The following SDCCAG8 variants were observed in gnomAD, a reference collection of about 807,000 sequenced individuals.
SDCCAG8 encodes SHH signaling and ciliogenesis regulator SDCCAG8.
A neutral mutation model predicts 101.8 loss-of-function variants in SDCCAG8; 74 were observed. That is an observed-to-expected ratio of 0.73 (90% CI 0.60 to 0.88). The LOEUF (loss-of-function observed/expected upper bound fraction) is 0.88. SDCCAG8 is among the 40% of genes least tolerant of loss of function. The probability of loss-of-function intolerance (pLI) is 0.00; values close to 1 mark genes in which losing one functional copy is unlikely to be tolerated. For missense variants in SDCCAG8, 787 were observed against 822.6 expected (o/e 0.96, Z 0.53); for synonymous variants, 281 against 292.9 (o/e 0.96, Z 0.41).
chr1:243,303,791 G>C (rs928708773), intron 6 of SDCCAG8, among the ~76,000 whole-genome samples: 1 of 152,032 alleles, frequency 6.6e-6, no homozygotes, highest in African/African-American at 2.4e-5. Context: ...TTATACATGG[G>C]GCCAGGCGCA....
intron 16 of SDCCAG8, among the ~76,000 whole-genome samples, chr1:243,460,359 G>T (rs1409946270): frequency 6.6e-6 from 1 of 152,056 alleles, no homozygotes; most frequent in Non-Finnish European, 1.5e-5. Context: ...GGAGGATTCT[G>T]GTGGCATGTT....
At chr1:243,336,721 G>A (rs747353241) in intron 10 of SDCCAG8, among the ~76,000 whole-genome samples, 78 of 152,288 alleles carry the variant, frequency 5.1e-4, no homozygotes, top group Non-Finnish European at 5.7e-4. Flanking sequence ...AGAGTTGGGC[G>A]GGGGCAGAAG....
At chr1:243,305,296 T>G (rs1206792132) in intron 7 of SDCCAG8, 1 of 147,134 alleles carries the variant, frequency 6.8e-6, no homozygotes, top group Non-Finnish European at 1.5e-5. Flanking sequence ...AGAGTGAGAC[T>G]CCATTTCAAA....
intron 16 of SDCCAG8, among the ~76,000 whole-genome samples, chr1:243,485,098 T>A (rs904695591): frequency 1.5e-4 from 22 of 151,592 alleles, no homozygotes; most frequent in Non-Finnish European, 2.2e-4. Flanking sequence ...CAAGGCTTGG[T>A]TCGTTTGGTG....
intron 15 of SDCCAG8, among the ~76,000 whole-genome samples, chr1:243,420,670 G>A (rs1446540006): frequency 3.9e-5 from 6 of 152,102 alleles, no homozygotes; most frequent in African/African-American, 1.4e-4. Context: ...ACTCTCAAGC[G>A]CCCCTAAAAC....
At chr1:243,447,627 CAGAT>C (rs1466765843) in intron 16 of SDCCAG8, among the ~76,000 whole-genome samples, 3 of 152,142 alleles carry the variant, frequency 2.0e-5, no homozygotes, top group Non-Finnish European at 2.9e-5. Flanking sequence ...CCGTCCTTCA[CAGAT>C]AGTCTTTGAA....
chr1:243,391,706 C>T (rs1438916128), intron 13 of SDCCAG8, among the ~76,000 whole-genome samples: 1 of 152,212 alleles, frequency 6.6e-6, no homozygotes, highest in African/African-American at 2.4e-5. Flanking sequence ...CTTCAAGAAG[C>T]CTATTCCTGA....
At chr1:243,426,625 G>A (rs1464483555) in intron 16 of SDCCAG8, 67 bp downstream of exon 16, 41 of 1,578,638 alleles carry the variant, frequency 2.6e-5, no homozygotes, top group Non-Finnish European at 3.4e-5. Context: ...CACTGAAGGG[G>A]AATTGCTGCG....
intron 4 of SDCCAG8, among the ~76,000 whole-genome samples, chr1:243,281,199 T>G (rs1339659775): frequency 1.3e-5 from 2 of 152,212 alleles, no homozygotes; most frequent in Admixed American, 6.5e-5. Flanking sequence ...ACTCCAACTT[T>G]CTATTGATTA....
At chr1:243,376,346 A>C (rs1378370477) in intron 12 of SDCCAG8, among the ~76,000 whole-genome samples, 1 of 152,194 alleles carries the variant, frequency 6.6e-6, no homozygotes, top group East Asian at 1.9e-4. Context: ...ATGATAGTCT[A>C]ATGACTTGTC....
At chr1:243,327,965 C>G (rs544685956) in intron 9 of SDCCAG8, among the ~76,000 whole-genome samples, 1 of 152,092 alleles carries the variant, frequency 6.6e-6, no homozygotes, top group Non-Finnish European at 1.5e-5. Flanking sequence ...TGCAGTGGTG[C>G]GATCTCAGCT....
intron 12 of SDCCAG8, among the ~76,000 whole-genome samples, chr1:243,352,682 T>G (rs2076146411): frequency 6.6e-6 from 1 of 152,208 alleles, no homozygotes; most frequent in Non-Finnish European, 1.5e-5. Flanking sequence ...TTTAAAAAAA[T>G]TTATTGTATA....
chr1:243,391,485 A>G (rs2078693726), intron 13 of SDCCAG8, among the ~76,000 whole-genome samples: 1 of 152,206 alleles, frequency 6.6e-6, no homozygotes, highest in Admixed American at 6.5e-5. Context: ...CTGAGCTAAG[A>G]GTGTGCTCCA....
intron 1 of SDCCAG8, among the ~76,000 whole-genome samples, chr1:243,265,458 A>G (rs549329790): frequency 1.3e-5 from 2 of 152,350 alleles, no homozygotes; most frequent in South Asian, 4.1e-4. Context: ...TAGTCTTTGA[A>G]TGTTATAAAT....
intron 16 of SDCCAG8, among the ~76,000 whole-genome samples, chr1:243,449,029 C>A (rs2083153125): frequency 6.6e-6 from 1 of 152,178 alleles, no homozygotes; most frequent in Non-Finnish European, 1.5e-5. Flanking sequence ...ATATGTGTGT[C>A]TAATTACTAT....
rs1662063877 is a variant in SDCCAG8, at chr1:243,474,790, A to C, written c.1986-14224A>C. Among the ~76,000 whole-genome samples the C allele has an allele frequency of 6.6e-6, 1 of 152,236 alleles. No individual in the cohort carries two copies. The highest frequency in any genetic ancestry group is 1.5e-5 in the Non-Finnish European group (1 of 68,036). ...CGCTCCTCCTCGGACTGGTTGAGTA[A>C]GGGAGGAGGCTCGTCCTGAACGTGC... On this transcript the variant is annotated intron_variant, in intron 16 of 17. Transcript: ENST00000366541. This position sits in a 1 kb window ranked among gnomAD's most constrained non-coding sequence, Gnocchi z 4.7.
intron 17 of SDCCAG8, among the ~76,000 whole-genome samples, chr1:243,499,197 A>AGAG (rs1491172183): frequency 5.3e-5 from 8 of 152,230 alleles, no homozygotes; most frequent in African/African-American, 7.2e-5. Context: ...CGTAAAACTA[A>AGAG]GAGACCTCAG....
intron 12 of SDCCAG8, among the ~76,000 whole-genome samples, chr1:243,358,358 A>G (rs147090236): frequency 6.6e-6 from 1 of 152,308 alleles, no homozygotes; most frequent in African/African-American, 2.4e-5. Context: ...ATGTGAAAAG[A>G]TGCTCAACAT....
At chr1:243,392,058 C>T (rs1183538276) in intron 13 of SDCCAG8, among the ~76,000 whole-genome samples, 2 of 152,104 alleles carry the variant, frequency 1.3e-5, no homozygotes, top group African/African-American at 4.8e-5. Context: ...GGGGAAAATC[C>T]CCTATTGTAC....
Sources: gnomAD v4.1 joint callset for allele counts (sites outside exome capture counted in the v4.1 genomes callset) on GRCh38, gnomAD v4.1.1 for gene constraint, Gnocchi (gnomAD v3.1) non-coding constraint, MANE v1.5 for transcripts, NCBI Gene and HGNC (gene_info 2026-07-23, HGNC 2026-07-21) for gene names.